Variants in FARS2 observed in about 807,000 individuals in gnomAD.
The protein encoded by FARS2 is phenylalanyl-tRNA synthetase 2, mitochondrial, also known as phenylalanine--tRNA ligase, mitochondrial.
In FARS2, 40 loss-of-function variants were observed where a neutral mutation model predicts 46.4. The observed-to-expected ratio is 0.86, with a 90% CI of 0.67 to 1.12. FARS2 has a LOEUF of 1.12. Ranked by LOEUF, FARS2 falls within the 50% of genes most tolerant of loss-of-function variation. The pLI is 0.00. For synonymous variants in FARS2, 234 were observed against 214.9 expected (o/e 1.09, Z -0.78); for missense variants, 513 against 567.9 (o/e 0.90, Z 0.98).
At chr6:5,682,488 C>G (rs1445455619) in intron 6 of FARS2, among the ~76,000 whole-genome samples, 1 of 152,188 alleles carries the variant, frequency 6.6e-6, no homozygotes, top group African/African-American at 2.4e-5. Context: ...TATGGGCAGC[C>G]TGGCTCTATC....
At position 5,671,462 on chromosome 6, in the gene FARS2, G is replaced by A. The variant is rs541665972; in HGVS notation, c.1217+58142G>A. On this transcript the variant is annotated intron_variant, in intron 6 of 6. Coordinates refer to ENST00000274680, the MANE Select transcript of FARS2 (RefSeq NM_006567.5). ...CTCAGTTCTCTCCTCTGTTTCTGCCGGAACTTCCTGGTGTTACAGAAAGAA... is the reference window on the plus strand; with the variant it reads ...CTCAGTTCTCTCCTCTGTTTCTGCCAGAACTTCCTGGTGTTACAGAAAGAA... Among the ~76,000 whole-genome samples, 5 of 152,282 alleles carry A rather than the reference G, an allele frequency of 3.3e-5. 1 individual carries two copies. The highest frequency in any genetic ancestry group is 1.2e-4 in the African/African-American group (5 of 41,568).
chr6:5,292,581 T>G (rs1462484018), intron 1 of FARS2, among the ~76,000 whole-genome samples: 1 of 152,138 alleles, frequency 6.6e-6, no homozygotes, highest in African/African-American at 2.4e-5. Context: ...CAGGTGGTGG[T>G]TGATACCATT....
chr6:5,705,374 C>T (rs570423155), intron 6 of FARS2, among the ~76,000 whole-genome samples: 1 of 152,066 alleles, frequency 6.6e-6, no homozygotes, highest in African/African-American at 2.4e-5. Flanking sequence ...GGAGGCCATG[C>T]GAAATGAGTT....
At position 5,569,476 on chromosome 6, in the gene FARS2, C is replaced by T. The variant is rs1010638838; in HGVS notation, c.1065+24136C>T. On this transcript the variant is annotated intron_variant, in intron 5 of 6. Coordinates refer to ENST00000274680, the MANE Select transcript of FARS2 (RefSeq NM_006567.5). ...CTGAGCTCAACTGATCCACCCACCT[C>T]GGCTTCCCAGAGTGCTGGGATTACA... Among the ~76,000 whole-genome samples, 11 of 152,228 alleles carry T rather than the reference C, an allele frequency of 7.2e-5. No homozygotes were observed. In the East Asian group the frequency reaches 1.9e-3, roughly 27 times the overall value.
intron 1 of FARS2, among the ~76,000 whole-genome samples, chr6:5,294,046 T>C (rs555858490): frequency 6.6e-6 from 1 of 152,330 alleles, no homozygotes; most frequent in Non-Finnish European, 1.5e-5. Context: ...CTGTTTGTGA[T>C]TATTATACAA....
chr6:5,545,988 C>T (rs1770957821), intron 5 of FARS2, among the ~76,000 whole-genome samples: 1 of 152,000 alleles, frequency 6.6e-6, no homozygotes, highest in Admixed American at 6.6e-5. Flanking sequence ...ATTAGCTGGG[C>T]ATGGTGGCAC....
At chr6:5,571,439 G>T (rs17140870) in intron 5 of FARS2, among the ~76,000 whole-genome samples, 1 of 152,086 alleles carries the variant, frequency 6.6e-6, no homozygotes, top group Non-Finnish European at 1.5e-5. Flanking sequence ...ACCAACGCAC[G>T]TGGAGAATCC....
At position 5,296,230 on chromosome 6, in the gene FARS2, C is replaced by T. The variant is rs1024193791; in HGVS notation, c.-22+34570C>T. On this transcript the variant is annotated intron_variant, in intron 1 of 6. Coordinates refer to ENST00000274680, the MANE Select transcript of FARS2 (RefSeq NM_006567.5). ...GATCTCAGCTCACTGCAAGCTCCGC[C>T]TCCCGGGTTCACACCATTCTCCTGC... Among the ~76,000 whole-genome samples the T allele has an allele frequency of 3.4e-5, 5 of 148,120 alleles. No homozygotes were observed. The East Asian group carries it at 6.0e-4, about 18-fold the overall frequency.
At chr6:5,629,218 C>T (rs1333358914) in intron 6 of FARS2, among the ~76,000 whole-genome samples, 2 of 152,116 alleles carry the variant, frequency 1.3e-5, no homozygotes, top group Non-Finnish European at 1.5e-5. Context: ...GAGTGCTTGT[C>T]CTCAAGAAGC....
At chr6:5,688,682 C>T (rs980837930) in intron 6 of FARS2, among the ~76,000 whole-genome samples, 6 of 152,100 alleles carry the variant, frequency 3.9e-5, no homozygotes, top group Admixed American at 3.3e-4. Flanking sequence ...TGTGTCTCTG[C>T]CAGGCTTTGG....
At chr6:5,491,245 CA>C (rs1420872345) in intron 4 of FARS2, among the ~76,000 whole-genome samples, 5 of 151,970 alleles carry the variant, frequency 3.3e-5, no homozygotes, top group Admixed American at 3.3e-4. Context: ...AGGGTTTGTC[CA>C]AATCTTTTGC....
intron 3 of FARS2, among the ~76,000 whole-genome samples, chr6:5,418,731 A>C (rs1356678292): frequency 1.3e-5 from 2 of 152,166 alleles, no homozygotes; most frequent in African/African-American, 4.8e-5. Flanking sequence ...TGACTTGTCC[A>C]GACTCCCGGC....
chr6:5,729,932 C>G (rs1366384189), intron 6 of FARS2, among the ~76,000 whole-genome samples: 1 of 152,202 alleles, frequency 6.6e-6, no homozygotes, highest in Non-Finnish European at 1.5e-5. Flanking sequence ...ACCAGCATCC[C>G]TGGCTTCTGC....
At chr6:5,440,401 A>T (rs1406310163) in intron 4 of FARS2, among the ~76,000 whole-genome samples, 1 of 152,214 alleles carries the variant, frequency 6.6e-6, no homozygotes, top group African/African-American at 2.4e-5. Context: ...GCCACTGTGG[A>T]TGGATCTTTC....
chr6:5,393,036 A>G (rs1399366131), intron 2 of FARS2, among the ~76,000 whole-genome samples: 1 of 151,522 alleles, frequency 6.6e-6, no homozygotes, highest in Non-Finnish European at 1.5e-5. Context: ...TCACAATGGA[A>G]TGTGTGCTGC....
intron 6 of FARS2, among the ~76,000 whole-genome samples, chr6:5,687,760 T>G (rs1489114483): frequency 9.9e-5 from 15 of 152,204 alleles, no homozygotes; most frequent in Non-Finnish European, 8.8e-5. Flanking sequence ...ACTTGATGGG[T>G]ATGGCATTGA....
At chr6:5,723,264 AG>A (rs1760027070) in intron 6 of FARS2, among the ~76,000 whole-genome samples, 1 of 152,324 alleles carries the variant, frequency 6.6e-6, no homozygotes, top group Non-Finnish European at 1.5e-5. Flanking sequence ...AGGGTAGAAA[AG>A]AAACAAAGCT....
chr6:5,407,427 A>G lies in FARS2; in HGVS notation c.772+2726A>G, dbSNP rs376655771. Among the ~76,000 whole-genome samples, 8 of 152,254 alleles carry G rather than the reference A, an allele frequency of 5.3e-5. No individual in the cohort carries two copies. In the East Asian group the frequency reaches 1.4e-3, roughly 26 times the overall value. On this transcript the variant is annotated intron_variant, in intron 3 of 6. Transcript: ENST00000274680. ...GGTTTTTTAGAATATCTTGACTGCC[A>G]TATTGCCAAACGCATAGTTCATGTA...
chr6:5,289,729 G>T (rs1011010278), intron 1 of FARS2, among the ~76,000 whole-genome samples: 14 of 152,236 alleles, frequency 9.2e-5, no homozygotes, highest in East Asian at 3.9e-4. Flanking sequence ...CCTGTGACCA[G>T]TCTGATTTGT....
Sources: gnomAD v4.1 joint callset for allele counts (sites outside exome capture counted in the v4.1 genomes callset) on GRCh38, gnomAD v4.1.1 for gene constraint, MANE v1.5 for transcripts, NCBI Gene and HGNC (gene_info 2026-07-23, HGNC 2026-07-21) for gene names.